The following TMEM161B variants were observed in gnomAD, a reference collection of about 807,000 sequenced individuals.
The protein encoded by TMEM161B is transmembrane protein 161B.
TMEM161B carries 34 observed loss-of-function variants against 61.8 expected under a neutral mutation model. The observed-to-expected ratio is 0.55, with a 90% CI of 0.42 to 0.73. The LOEUF is 0.73. TMEM161B is among the 30% of genes least tolerant of loss of function. The pLI is 0.00. For missense variants in TMEM161B, 456 were observed against 558.5 expected (o/e 0.82, Z 1.85); for synonymous variants, 167 against 192.8 (o/e 0.87, Z 1.11).
intron 1 of TMEM161B, among the ~76,000 whole-genome samples, chr5:88,257,233 G>C (rs1233935353): frequency 6.6e-6 from 1 of 152,126 alleles, no homozygotes; most frequent in African/African-American, 2.4e-5. Context: ...ACCACTCACT[G>C]CTCTCCAGCC....
chr5:88,242,286 C>G (rs1426007492), intron 1 of TMEM161B, among the ~76,000 whole-genome samples: 9 of 151,716 alleles, frequency 5.9e-5, no homozygotes, highest in Non-Finnish European at 3.0e-5. Flanking sequence ...GGAAGATTCA[C>G]TCCATCTTGA....
chr5:88,206,302 G>A, intron 7 of TMEM161B, 137 bp downstream of exon 7: 2 of 696,956 alleles, frequency 2.9e-6, no homozygotes, highest in Non-Finnish European at 2.3e-6. Context: ...TAAAAATTAT[G>A]AGTAAGGATG....
At chr5:88,208,678 AAAC>A (rs1321045876) in intron 5 of TMEM161B, among the ~76,000 whole-genome samples, 7 of 152,156 alleles carry the variant, frequency 4.6e-5, no homozygotes, top group Non-Finnish European at 1.5e-5. Flanking sequence ...AGCAACAAAA[AAAC>A]AACAACTGTG....
At chr5:88,236,205 T>C (rs1230312964) in intron 2 of TMEM161B, among the ~76,000 whole-genome samples, 1 of 152,102 alleles carries the variant, frequency 6.6e-6, no homozygotes, top group Non-Finnish European at 1.5e-5. Flanking sequence ...AATCTGACCA[T>C]AATATATTTT....
chr5:88,249,269 C>T (rs557269261), intron 1 of TMEM161B, among the ~76,000 whole-genome samples: 5 of 152,180 alleles, frequency 3.3e-5, no homozygotes, highest in Admixed American at 3.3e-4. Flanking sequence ...GTCCCTAAGC[C>T]AGGTATTGAA....
At chr5:88,208,759 A>G (rs187971614) in intron 5 of TMEM161B, among the ~76,000 whole-genome samples, 18 of 152,316 alleles carry the variant, frequency 1.2e-4, no homozygotes, top group Non-Finnish European at 2.1e-4. Flanking sequence ...TTAAAACTAG[A>G]CAGTCTGGAT....
Position 88,247,302 on chromosome 5 carries a change from G to A in TMEM161B, c.4-6386C>T, listed in dbSNP as rs112817759. ...AAACTCTAAAAACTTAAATACAAACGTGCTGCAATTTATAAATTCAAACTT... is the reference window on the plus strand; with the variant it reads ...AAACTCTAAAAACTTAAATACAAACATGCTGCAATTTATAAATTCAAACTT... On this transcript the variant is annotated intron_variant, in intron 1 of 11. Coordinates refer to ENST00000296595, the MANE Select transcript of TMEM161B (RefSeq NM_153354.5). Among the ~76,000 whole-genome samples, 1,474 of 152,032 alleles carry A rather than the reference G, an allele frequency of 9.7e-3. 11 individuals are homozygous for A. The highest frequency in any genetic ancestry group is 0.027 in the Middle Eastern group (8 of 294).
chr5:88,186,785 C>T (rs553234188), downstream of TMEM161B, among the ~76,000 whole-genome samples: 32 of 151,970 alleles, frequency 2.1e-4, no homozygotes, highest in African/African-American at 6.8e-4. Flanking sequence ...ATTAGCCACA[C>T]GCCTGTACTC....
At chr5:88,250,486 C>A (rs562128253) in intron 1 of TMEM161B, among the ~76,000 whole-genome samples, 1 of 152,190 alleles carries the variant, frequency 6.6e-6, no homozygotes, top group African/African-American at 2.4e-5. Context: ...AGAATCCTGA[C>A]CAGAAAAGTG....
intron 5 of TMEM161B, among the ~76,000 whole-genome samples, chr5:88,215,779 TA>T (rs2112488465): frequency 6.6e-6 from 1 of 152,164 alleles, no homozygotes; most frequent in South Asian, 2.1e-4. Flanking sequence ...CATTATAGAG[TA>T]AAATGAAAGA....
chr5:88,213,986 T>C (rs1747357608), intron 5 of TMEM161B, among the ~76,000 whole-genome samples: 1 of 152,158 alleles, frequency 6.6e-6, no homozygotes, highest in African/African-American at 2.4e-5. Flanking sequence ...TAAAAGAATA[T>C]AGTTAAAGCC....
At chr5:88,202,135 A>G in intron 9 of TMEM161B, 1 of 454,448 alleles carries the variant, frequency 2.2e-6, no homozygotes, top group Non-Finnish European at 4.4e-6. Flanking sequence ...AGATGGGGAA[A>G]CAGAGGCTCA....
chr5:88,238,972 C>T lies in TMEM161B; in HGVS notation c.107+1841G>A, dbSNP rs1474940353. The stretch of plus-strand genomic sequence containing the variant: ...ATCCTTAGAACCTGATATGGCATTA[C>T]AGGCAGCATTAATTAACACAAAAGT... On this transcript the variant is annotated intron_variant, in intron 2 of 11. Transcript: ENST00000296595. Among the ~76,000 whole-genome samples, 3 of 151,944 alleles carry T rather than the reference C, an allele frequency of 2.0e-5. No individual in the cohort carries two copies. The East Asian group carries it at 5.8e-4, about 29-fold the overall frequency.
chr5:88,236,300 C>T (rs551939654), intron 2 of TMEM161B, among the ~76,000 whole-genome samples: 1 of 152,152 alleles, frequency 6.6e-6, no homozygotes, highest in South Asian at 2.1e-4. Flanking sequence ...GAGGTTTGAA[C>T]TGAGCAATTA....
At chr5:88,190,927 TCA>T (rs978888594), downstream of TMEM161B, among the ~76,000 whole-genome samples, 18 of 152,232 alleles carry the variant, frequency 1.2e-4, no homozygotes, top group Admixed American at 3.9e-4. Flanking sequence ...CAAATTACAT[TCA>T]CACTTTCATG....
rs554352590 is a variant in TMEM161B, at chr5:88,206,519, A to C, written c.599-20T>G. The C allele has an allele frequency of 7.8e-5, 121 of 1,553,990 alleles. No homozygotes were observed. The highest frequency in any genetic ancestry group is 2.0e-4 in the Admixed American group (10 of 49,960). On this transcript the variant is annotated intron_variant, in intron 6 of 11. Transcript: ENST00000296595. ...TAAACCCTGTGGGGGAAAAAAAAAA[A>C]AACAACAGATTACTCTTATCACAAA...
rs1355236519 is a variant in TMEM161B at position 88,196,303 on chromosome 5, G to T, written c.1372C>A (p.Leu458Ile). The change falls in exon 12 of 12, where the codon CTT becomes ATT. Residue 458 changes from leucine to isoleucine, a missense_variant. This residue lies in a region of TMEM161B where 367 missense variants were observed against 427.3 expected (regional missense o/e 0.86). Transcript: ENST00000296595. ...NIFTPLLFRGLLSFLTWWIAA... is the reference protein window; with the variant it reads ...NIFTPLLFRGILSFLTWWIAA... ...ATCCACCAGGTCAGAAAAGACAGAA[G>T]TCCTCGAAAAAGAAGAGGAGTAAAA... 4 of 1,613,300 alleles carry T rather than the reference G, an allele frequency of 2.5e-6. No homozygotes were observed. In the Admixed American group the frequency reaches 6.7e-5, roughly 27 times the overall value.
intron 1 of TMEM161B, among the ~76,000 whole-genome samples, chr5:88,258,218 A>C (rs1755241497): frequency 6.6e-6 from 1 of 152,244 alleles, no homozygotes; most frequent in Non-Finnish European, 1.5e-5. Flanking sequence ...CCTATTGACT[A>C]GAAAACATAT....
At chr5:88,188,714 C>A (rs1748519147), downstream of TMEM161B, among the ~76,000 whole-genome samples, 2 of 152,196 alleles carry the variant, frequency 1.3e-5, no homozygotes, top group Non-Finnish European at 2.9e-5. Context: ...AGACTCGCAT[C>A]TTAAGAGCTG....
Sources: gnomAD v4.1 joint callset for allele counts (sites outside exome capture counted in the v4.1 genomes callset) on GRCh38, gnomAD v4.1.1 for gene constraint, gnomAD v4.1.1 regional missense constraint, MANE v1.5 for transcripts, NCBI Gene and HGNC (gene_info 2026-07-23, HGNC 2026-07-21) for gene names.